Variants in GLIS3 observed in about 807,000 individuals in gnomAD.
GLIS3 encodes GLIS family zinc finger 3, also known as zinc finger protein GLIS3.
A neutral mutation model predicts 78.6 loss-of-function variants in GLIS3; 53 were observed. The observed-to-expected ratio is 0.67, with a 90% CI of 0.54 to 0.85. The LOEUF is 0.85. Among genes scored for constraint, GLIS3 ranks in the 40% least tolerant of loss-of-function variants. GLIS3 has a pLI of 0.00. For missense variants in GLIS3, 1,703 were observed against 1,231.1 expected, an observed-to-expected ratio of 1.38 and a Z score of -5.74; for synonymous variants, 684 against 509.9, an observed-to-expected ratio of 1.34 and a Z score of -4.60.
chr9:4,189,956 A>G (rs1201744245), intron 2 of GLIS3, among the ~76,000 whole-genome samples: 1 of 152,058 alleles, frequency 6.6e-6, no homozygotes, highest in Admixed American at 6.6e-5. Flanking sequence ...ACTCCAAGAG[A>G]CCTGCAGCTG....
At chr9:3,987,295 A>G (rs146289094) in intron 4 of GLIS3, among the ~76,000 whole-genome samples, 1 of 152,164 alleles carries the variant, frequency 6.6e-6, no homozygotes, top group Non-Finnish European at 1.5e-5. Context: ...AAACATAATG[A>G]GAAAAAAAAT....
intron 2 of GLIS3, among the ~76,000 whole-genome samples, chr9:4,140,823 A>T (rs1050052895): frequency 1.4e-5 from 2 of 141,256 alleles, no homozygotes; most frequent in Admixed American, 7.2e-5. Flanking sequence ...TTTGAGACGG[A>T]GTTTTGCTCT....
intron 4 of GLIS3, among the ~76,000 whole-genome samples, chr9:3,997,697 G>C (rs549701848): frequency 6.6e-6 from 1 of 151,754 alleles, no homozygotes; most frequent in East Asian, 1.9e-4. Context: ...AGCAAACTAA[G>C]CATAAAGGAA....
At chr9:4,083,659 T>C (rs2130711494) in intron 4 of GLIS3, among the ~76,000 whole-genome samples, 1 of 152,332 alleles carries the variant, frequency 6.6e-6, no homozygotes, top group South Asian at 2.1e-4. Flanking sequence ...AAGATGTGTA[T>C]GACAATGTTT....
chr9:4,205,426 A>G (rs1365203554), intron 2 of GLIS3, among the ~76,000 whole-genome samples: 1 of 152,216 alleles, frequency 6.6e-6, no homozygotes, highest in Non-Finnish European at 1.5e-5. Context: ...CCTGAAGCAG[A>G]GACAATGGGA....
rs1821324977 is a variant in GLIS3 at position 4,221,496 on chromosome 9, T to G, written c.388+64542A>C. ...GGAAAATATTCTTCTCCCATTCTCC[T>G]TAGATGAATGGAAATGTAAAGATCA... On this transcript the variant is annotated intron_variant, in intron 2 of 10. Transcript: ENST00000381971. Among the ~76,000 whole-genome samples, 5 of 152,208 alleles carry G rather than the reference T, an allele frequency of 3.3e-5. No homozygotes were observed. In the South Asian group the frequency reaches 1.0e-3, roughly 32 times the overall value.
intron 8 of GLIS3, among the ~76,000 whole-genome samples, 167 bp downstream of exon 8, chr9:3,879,260 G>A (rs893543069): frequency 6.6e-6 from 1 of 152,218 alleles, no homozygotes; most frequent in East Asian, 1.9e-4. Context: ...AACAGATAAT[G>A]AGATATTTGG....
chr9:4,120,360 G>C (rs1832081836), intron 3 of GLIS3, among the ~76,000 whole-genome samples: 2 of 152,200 alleles, frequency 1.3e-5, no homozygotes, highest in Admixed American at 1.3e-4. Flanking sequence ...GACAAACACA[G>C]CAGGAATTTA....
chr9:4,184,162 A>C (rs1817568732), intron 2 of GLIS3, among the ~76,000 whole-genome samples: 1 of 152,202 alleles, frequency 6.6e-6, no homozygotes, highest in Admixed American at 6.5e-5. Context: ...TCCAAAATCA[A>C]GGGTATAAGC....
chr9:3,924,728 G>C (rs1487969475), intron 6 of GLIS3, among the ~76,000 whole-genome samples: 6 of 152,232 alleles, frequency 3.9e-5, no homozygotes, highest in African/African-American at 1.4e-4. Flanking sequence ...GAATACTTTG[G>C]TGGGGATGGA....
chr9:4,328,798 A>C (rs1456536034), intron 2 of GLIS3, among the ~76,000 whole-genome samples: 1 of 152,208 alleles, frequency 6.6e-6, no homozygotes, highest in Non-Finnish European at 1.5e-5. Flanking sequence ...GACTGAAAGC[A>C]TTATGGCACA....
At chr9:4,016,893 C>A (rs1160406031) in intron 4 of GLIS3, among the ~76,000 whole-genome samples, 3 of 152,268 alleles carry the variant, frequency 2.0e-5, no homozygotes, top group Non-Finnish European at 2.9e-5. Flanking sequence ...TTAAACGGCA[C>A]AAGGAACTGC....
intron 2 of GLIS3, among the ~76,000 whole-genome samples, chr9:4,261,992 C>T (rs1825576160): frequency 6.6e-6 from 1 of 152,192 alleles, no homozygotes; most frequent in East Asian, 1.9e-4. Context: ...TCTAAAAGTT[C>T]CTGTGTAAGG....
intron 2 of GLIS3, among the ~76,000 whole-genome samples, chr9:4,340,896 A>T (rs890182886): frequency 2.6e-5 from 4 of 152,144 alleles, no homozygotes; most frequent in African/African-American, 9.7e-5. Flanking sequence ...GGGTTTCGCC[A>T]TGTTGGCCAG....
rs543660973 is a variant in GLIS3 at position 4,072,124 on chromosome 9, C to G, written c.1710+45644G>C. Among the ~76,000 whole-genome samples the G allele has an allele frequency of 2.0e-5, 3 of 152,260 alleles. No homozygotes were observed. The East Asian group carries it at 5.8e-4, about 29-fold the overall frequency. Reference sequence around the variant, plus strand: ...GTCTTCTTAAATCATGAAAATCAACCCTTTATCCTTTACTTCCATTCTGTA... The same window carrying G: ...GTCTTCTTAAATCATGAAAATCAACGCTTTATCCTTTACTTCCATTCTGTA... On this transcript the variant is annotated intron_variant, in intron 4 of 10. Transcript: ENST00000381971.
chr9:3,896,660 C>A, intron 7 of GLIS3, among the ~76,000 whole-genome samples: 1 of 402 alleles, frequency 2.5e-3, no homozygotes, highest in Non-Finnish European at 7.9e-3. Context: ...AGTGAGACTC[C>A]CATCTCAATT....
At chr9:4,052,562 A>T (rs1825817180) in intron 4 of GLIS3, among the ~76,000 whole-genome samples, 1 of 152,206 alleles carries the variant, frequency 6.6e-6, no homozygotes, top group African/African-American at 2.4e-5. Context: ...TCTTCTGGAC[A>T]TGTCGTAGAA....
At position 4,299,451 on chromosome 9, in the gene GLIS3, G is replaced by A. The variant is rs952737521; in HGVS notation, c.-129C>T. 1.0e-4 allele frequency: 16 copies of A among 152,452 alleles called. No individual in the cohort carries two copies. Among genetic ancestry groups the A allele is most frequent in the African/African-American group, 3.9e-4 (16 of 41,452 alleles). The allele number at this position is 152,452 out of a possible 1,614,324, so 9.4% of individuals were successfully genotyped here. A position where few individuals can be genotyped will look rare whatever the true frequency, so the allele number is the denominator to read the frequency against. ...AACCGGGATTTCCACAACAAAGCCC[G>A]GCGTGCGGGTCCCTTCCCCCGGCCG... On this transcript the variant is annotated 5_prime_UTR_variant, in exon 1 of 11. Transcript: ENST00000381971.
intron 4 of GLIS3, among the ~76,000 whole-genome samples, chr9:4,074,992 T>C (rs537713827): frequency 2.6e-5 from 4 of 152,256 alleles, no homozygotes; most frequent in East Asian, 3.9e-4. Flanking sequence ...AGTTTTCTGA[T>C]CTCATGATGA....
Sources: allele counts gnomAD v4.1 joint callset (sites outside exome capture counted in the v4.1 genomes callset), GRCh38; gene constraint gnomAD v4.1.1; transcripts MANE v1.5; gene names NCBI Gene and HGNC (gene_info 2026-07-23, HGNC 2026-07-21).